Variants in CSMD1 observed in about 807,000 individuals in gnomAD.
CSMD1 encodes the protein CUB and sushi domain-containing protein 1.
CSMD1 carries 213 observed loss-of-function variants against 417.5 expected under a neutral mutation model. The observed-to-expected ratio is 0.51, with a 90% CI of 0.46 to 0.57. The LOEUF (loss-of-function observed/expected upper bound fraction) is 0.57, where lower values mean the gene tolerates loss of function less well. CSMD1 is among the 20% of genes least tolerant of loss of function. CSMD1 has a pLI of 0.00. For missense variants in CSMD1, 6,923 were observed against 4,529.7 expected, an observed-to-expected ratio of 1.53 and a Z score of -15.17; for synonymous variants, 2,862 against 1,736.8, an observed-to-expected ratio of 1.65 and a Z score of -16.11.
At chr8:3,324,329 G>C (rs1256898400) in intron 23 of CSMD1, among the ~76,000 whole-genome samples, 1 of 128,518 alleles carries the variant, frequency 7.8e-6, no homozygotes, top group African/African-American at 3.0e-5. Context: ...CACCCCACTA[G>C]TCGTCACTGT....
At position 4,261,629 on chromosome 8, in the gene CSMD1, T is replaced by A. The variant is rs145597903; in HGVS notation, c.415+158324A>T. Among the ~76,000 whole-genome samples the A allele has an allele frequency of 7.0e-4, 107 of 152,214 alleles. No homozygotes were observed. In the East Asian group the frequency reaches 0.02, roughly 29 times the overall value. On this transcript the variant is annotated intron_variant, in intron 3 of 69. Transcript: ENST00000635120. ...CTTGCTATGTTGCGCAGGCTAGTGTTGAACTCCTAGGCTCAGGCAATCCTG... is the reference window on the plus strand; with the variant it reads ...CTTGCTATGTTGCGCAGGCTAGTGTAGAACTCCTAGGCTCAGGCAATCCTG...
intron 2 of CSMD1, among the ~76,000 whole-genome samples, chr8:4,485,134 G>A (rs181259762): frequency 3.3e-5 from 5 of 151,644 alleles, no homozygotes; most frequent in East Asian, 1.9e-4. Context: ...TAAGGTCTTC[G>A]GCATAGGCTG....
At chr8:4,858,080 T>C (rs1458013123) in intron 1 of CSMD1, among the ~76,000 whole-genome samples, 1 of 152,124 alleles carries the variant, frequency 6.6e-6, no homozygotes, top group Non-Finnish European at 1.5e-5. Context: ...TCAAGTGGGC[T>C]GCATCCCTGG....
chr8:3,896,228 G>A (rs567586737), intron 5 of CSMD1, among the ~76,000 whole-genome samples: 4 of 152,256 alleles, frequency 2.6e-5, no homozygotes, highest in South Asian at 4.1e-4. Flanking sequence ...TAGCCTGGTT[G>A]CTGTCACCAA....
intron 2 of CSMD1, among the ~76,000 whole-genome samples, chr8:4,475,580 C>A (rs1381310450): frequency 6.6e-6 from 1 of 152,036 alleles, no homozygotes; most frequent in Non-Finnish European, 1.5e-5. Context: ...CACCCAGGCA[C>A]AACGTTCTTT....
intron 3 of CSMD1, among the ~76,000 whole-genome samples, chr8:4,190,467 T>C (rs987406700): frequency 1.2e-4 from 19 of 152,118 alleles, no homozygotes; most frequent in Middle Eastern, 3.4e-3. Flanking sequence ...CTAACACTAT[T>C]AGAGTATTTC....
intron 10 of CSMD1, among the ~76,000 whole-genome samples, chr8:3,558,186 AATG>A (rs1182442777): frequency 6.7e-6 from 1 of 149,252 alleles, no homozygotes; most frequent in African/African-American, 2.5e-5. Flanking sequence ...CCACTCCTCC[AATG>A]ATGAATAGTG....
chr8:4,460,875 A>C (rs1244845887), intron 2 of CSMD1, among the ~76,000 whole-genome samples: 1 of 152,172 alleles, frequency 6.6e-6, no homozygotes. Flanking sequence ...GTCTTTAATA[A>C]ATTCTTTCCA....
At position 3,106,533 on chromosome 8, in the gene CSMD1, C is replaced by T; in HGVS notation, c.6944G>A (p.Cys2315Tyr). 1 of 1,608,086 alleles carries T rather than the reference C, an allele frequency of 6.2e-7. No individual in the cohort carries two copies. Among genetic ancestry groups the T allele is most frequent in the Non-Finnish European group, 8.5e-7 (1 of 1,174,734 alleles). ...TAGTATCGAACAGTGCATACCTTCA[C>T]ATGTTGGGAGAGAACCCTCAAACTG... ...QLQFEGSLPT[C>Y]EAQCPANEVR... Residue 2315 changes from cysteine to tyrosine, a missense_variant, in exon 46 of 70, where the codon TGT (cysteine) becomes TAT (tyrosine). Physicochemically the swap from Cys to Tyr is radical, Grantham distance 194. Transcript: ENST00000635120.
intron 5 of CSMD1, among the ~76,000 whole-genome samples, chr8:3,761,776 G>T (rs568309074): frequency 6.6e-6 from 1 of 152,078 alleles, no homozygotes; most frequent in African/African-American, 2.4e-5. Context: ...AAAGTGCTAG[G>T]ATTACAGGCT....
In CSMD1 at chr8:3,996,179, A is replaced by C. The variant is rs554168227; in HGVS notation, c.818+1724T>G. ...CTAGAATCACTAACAAATCGGCCTC[A>C]CTTGCTTCTACCTCTCTCCCAACCT... On this transcript the variant is annotated intron_variant, in intron 5 of 69. Transcript: ENST00000635120. Among the ~76,000 whole-genome samples, 4 of 145,538 alleles carry C rather than the reference A, an allele frequency of 2.7e-5. No individual in the cohort carries two copies. The South Asian group carries it at 8.7e-4, about 32-fold the overall frequency.
intron 2 of CSMD1, among the ~76,000 whole-genome samples, chr8:4,429,675 T>C (rs935250998): frequency 2.0e-5 from 3 of 152,018 alleles, no homozygotes; most frequent in African/African-American, 7.2e-5. Flanking sequence ...CCCCAAGAGA[T>C]GGACCCCAAT....
chr8:4,671,905 C>A (rs1269470226), intron 1 of CSMD1, among the ~76,000 whole-genome samples: 1 of 152,080 alleles, frequency 6.6e-6, no homozygotes, highest in African/African-American at 2.4e-5. Flanking sequence ...CACTAAGTTG[C>A]CAAGCATGCC....
At chr8:4,315,792 A>T (rs936073496) in intron 3 of CSMD1, among the ~76,000 whole-genome samples, 3 of 104,026 alleles carry the variant, frequency 2.9e-5, no homozygotes, top group Admixed American at 1.3e-4. Context: ...TTTTGCATAA[A>T]GTAATTCAAA....
At chr8:4,415,953 T>C (rs1001840012) in intron 3 of CSMD1, among the ~76,000 whole-genome samples, 1 of 152,216 alleles carries the variant, frequency 6.6e-6, no homozygotes, top group Non-Finnish European at 1.5e-5. Flanking sequence ...CTAGCAGCCA[T>C]GGGATCTCGG....
At chr8:3,750,766 G>T (rs1384481341) in intron 6 of CSMD1, among the ~76,000 whole-genome samples, 1 of 152,120 alleles carries the variant, frequency 6.6e-6, no homozygotes, top group Non-Finnish European at 1.5e-5. Flanking sequence ...GGCTGGCAGG[G>T]ACTCTGAGAA....
At chr8:4,632,098 C>T (rs1235783069) in intron 2 of CSMD1, among the ~76,000 whole-genome samples, 4 of 152,178 alleles carry the variant, frequency 2.6e-5, no homozygotes, top group African/African-American at 9.7e-5. Context: ...AATTATCAGT[C>T]ACCACATGGG....
At chr8:3,119,373 T>C (rs1477677777) in intron 41 of CSMD1, among the ~76,000 whole-genome samples, 2 of 127,826 alleles carry the variant, frequency 1.6e-5, no homozygotes, top group Middle Eastern at 5.4e-3. Context: ...GCAGTTTTTT[T>C]AGTCTTTTTC....
intron 21 of CSMD1, among the ~76,000 whole-genome samples, chr8:3,351,969 T>C (rs564898428): frequency 3.3e-5 from 5 of 152,310 alleles, no homozygotes; most frequent in East Asian, 1.9e-4. Flanking sequence ...CTACTGAACA[T>C]AGGACAGTTT....
Sources: gnomAD v4.1 joint callset for allele counts (sites outside exome capture counted in the v4.1 genomes callset) on GRCh38, gnomAD v4.1.1 for gene constraint, MANE v1.5 for transcripts, NCBI Gene and HGNC (gene_info 2026-07-23, HGNC 2026-07-21) for gene names.